The following MYO18A variants were observed in gnomAD, a reference collection of about 807,000 sequenced individuals.
The protein encoded by MYO18A is myosin XVIIIA.
MYO18A carries 78 observed loss-of-function variants against 235.8 expected under a neutral mutation model. The ratio of observed to expected loss-of-function variants is 0.33; its 90% CI spans 0.28 to 0.40. MYO18A has a LOEUF of 0.40. Among genes scored for constraint, MYO18A ranks in the 10% least tolerant of loss-of-function variants. MYO18A has a pLI of 1.00. For synonymous variants in MYO18A, 977 were observed against 1,077.8 expected (o/e 0.91, Z 1.83); for missense variants, 2,215 against 2,699.3 (o/e 0.82, Z 3.98).
At chr17:29,114,158 G>T in intron 14 of MYO18A, 61 bp from the exon 15 acceptor site, 1 of 1,317,282 alleles carries the variant, frequency 7.6e-7, no homozygotes, top group South Asian at 1.3e-5. Flanking sequence ...ACAGCCTTGT[G>T]AGTAGGCTGG....
intron 33 of MYO18A, 64 bp downstream of exon 33, chr17:29,092,791 G>A: frequency 2.5e-6 from 4 of 1,583,818 alleles, no homozygotes; most frequent in Non-Finnish European, 3.4e-6. Flanking sequence ...GAGCGAGAGA[G>A]AGAAAGAGAA....
At position 29,166,919 on chromosome 17, in the gene MYO18A, C is replaced by G. The variant is rs1402743549; in HGVS notation, c.22G>C (p.Asp8His). 6 of 1,546,402 alleles carry G rather than the reference C, an allele frequency of 3.9e-6. No individual in the cohort carries two copies. The Admixed American group carries it at 7.9e-5, about 20-fold the overall frequency. MFNLMKK[D>H]KDKDGGRKEK... ...TTCCGCCCGCCATCTTTGTCCTTGT[C>G]TTTCTTCATTAGGTTAAACATGGTG... The change falls in exon 2 of 42, where the codon GAC becomes CAC. Residue 8 changes from aspartate (D) to histidine (H), a missense_variant. Physicochemically the swap from Asp to His is moderately conservative, Grantham distance 81. Coordinates refer to ENST00000527372, the MANE Select transcript of MYO18A (RefSeq NM_078471.4).
At position 29,110,507 on chromosome 17, in the gene MYO18A, G is replaced by A. The variant is rs567597894; in HGVS notation, c.3016C>T (p.Arg1006Trp). 1.6e-5 allele frequency: 25 copies of A among 1,604,550 alleles called. No homozygotes were observed. The highest frequency in any genetic ancestry group is 3.4e-5 in the South Asian group (3 of 89,196). ...QLALRRATSM[R>W]KTFTTGMAAV... ...GCCATGCCTGTGGTAAAGGTTTTCC[G>A]CATGCTGGTGGCCCGGCGCAGTGCC... The change falls in exon 18 of 42, where the codon CGG becomes TGG. Residue 1006 changes from arginine to tryptophan, a missense_variant. Transcript: ENST00000527372.
In MYO18A at chr17:29,103,195, C is replaced by T. The variant is rs118169828; in HGVS notation, c.3507+404G>A. On this transcript the variant is annotated intron_variant, in intron 21 of 41. Transcript: ENST00000527372. Reference sequence around the variant, plus strand: ...TCTGGAACCCAGCAGCCCCAGATAACTCTCCACAGGGGCTCTACCCAAGGC... The same window carrying T: ...TCTGGAACCCAGCAGCCCCAGATAATTCTCCACAGGGGCTCTACCCAAGGC... Among the ~76,000 whole-genome samples the T allele has an allele frequency of 9.1e-4, 138 of 152,332 alleles. No homozygotes were observed. In the South Asian group the frequency reaches 0.01, roughly 11 times the overall value.
intron 41 of MYO18A, chr17:29,078,171 C>T (rs2152709602): frequency 6.6e-6 from 1 of 152,370 alleles, no homozygotes; most frequent in East Asian, 1.9e-4. Flanking sequence ...CATGCGCCAC[C>T]ACGCCCAGCT....
Position 29,120,542 on chromosome 17 carries a change from G to C in MYO18A, c.1728+74C>G. On this transcript the variant is annotated intron_variant, in intron 7 of 41. Transcript: ENST00000527372. This position sits in a 1 kb window ranked among gnomAD's most constrained non-coding sequence, Gnocchi z 4.2. ...AATCCCAGGAAAATGAGGCATGGGA[G>C]AGAGCCTGATGTCTAGGTCATGAAA... 6.5e-7 allele frequency: 1 copy of C among 1,529,358 alleles called. No homozygotes were observed. Among genetic ancestry groups the C allele is most frequent in the Non-Finnish European group, 8.8e-7 (1 of 1,132,652 alleles). 94.7% of individuals were successfully genotyped at this position (1,529,358 alleles called of 1,614,324 possible).
chr17:29,130,508 A>T (rs1749490182), intron 2 of MYO18A, among the ~76,000 whole-genome samples: 2 of 149,892 alleles, frequency 1.3e-5, no homozygotes, highest in Non-Finnish European at 3.0e-5. Flanking sequence ...ACACACACAC[A>T]CACACACACA....
rs768765204 is a variant in MYO18A at position 29,109,899 on chromosome 17, C to T, written c.3290G>A (p.Arg1097His). Reference sequence around the variant, plus strand: ...CATGGCATCGAGCAGGCGGGAGCCGCGGAGCTGGGTGCGGAGCAGGGGCAC... The same window carrying T: ...CATGGCATCGAGCAGGCGGGAGCCGTGGAGCTGGGTGCGGAGCAGGGGCAC... ...LDVPLLRTQL[R>H]GSRLLDAMRM... The change falls in exon 19 of 42, where the codon CGC becomes CAC. Residue 1097 changes from arginine (R) to histidine (H), a missense_variant. Physicochemically the swap from Arg to His is conservative, Grantham distance 29. Coordinates refer to ENST00000527372, the MANE Select transcript of MYO18A (RefSeq NM_078471.4). The surrounding 1 kb of genome is among the most constrained non-coding windows in gnomAD (Gnocchi z 4.1). 47 of 1,575,936 alleles carry T rather than the reference C, an allele frequency of 3.0e-5. No homozygotes were observed. Among genetic ancestry groups the T allele is most frequent in the Admixed American group, 9.2e-5 (5 of 54,134 alleles).
rs749076838 is a variant in MYO18A at position 29,115,367 on chromosome 17, C to T, written c.2302G>A (p.Val768Ile). The T allele has an allele frequency of 5.6e-5, 91 of 1,614,006 alleles. No homozygotes were observed. Among genetic ancestry groups the T allele is most frequent in the Middle Eastern group, 1.6e-4 (1 of 6,062 alleles). ...GGCACTCACCTATTCACCAGGGAGACGAGAAGGGTGAAGAGCTCGCTGTAG... is the reference window on the plus strand; with the variant it reads ...GGCACTCACCTATTCACCAGGGAGATGAGAAGGGTGAAGAGCTCGCTGTAG... The part of the protein sequence containing the change: ...GLYSELFTLL[V>I]SLVNRALKSS... The change falls in exon 13 of 42, where the codon GTC becomes ATC. Residue 768 changes from valine to isoleucine, a missense_variant. By Grantham distance (29) the Val-to-Ile change is conservative. Coordinates refer to ENST00000527372, the MANE Select transcript of MYO18A (RefSeq NM_078471.4).
Position 29,096,907 on chromosome 17 carries a change from G to A in MYO18A, c.4239C>T (p.Asp1413=). 2.6e-6 allele frequency: 4 copies of A among 1,568,422 alleles called. No homozygotes were observed. The highest frequency in any genetic ancestry group is 3.5e-6 in the Non-Finnish European group (4 of 1,158,084). ...GACTCTCCTCACTATCTGCCTGCAG[G>A]TCCCCGAGCTAGGGGCCAAGATGGG... is the stretch of plus-strand genomic sequence containing the variant. The part of the protein sequence containing the change: ...NKRQLERRLG[D]LQADSEESQR... The change falls in exon 28 of 42, where the codon GAC becomes GAT. Residue 1413 remains aspartate, a synonymous_variant. Transcript: ENST00000527372.
intron 2 of MYO18A, among the ~76,000 whole-genome samples, chr17:29,146,237 G>C (rs1302122949): frequency 6.6e-6 from 1 of 151,582 alleles, no homozygotes; most frequent in African/African-American, 2.4e-5. Flanking sequence ...CAGCCCGGGC[G>C]ACAGAGAGAG....
intron 2 of MYO18A, among the ~76,000 whole-genome samples, chr17:29,132,778 A>G (rs866165183): frequency 6.6e-6 from 1 of 152,226 alleles, no homozygotes; most frequent in Non-Finnish European, 1.5e-5. Context: ...AATGGCAAAT[A>G]TTCACCAGAG....
At chr17:29,112,345 G>A (rs2066951647) in intron 15 of MYO18A, among the ~76,000 whole-genome samples, 1 of 152,230 alleles carries the variant, frequency 6.6e-6, no homozygotes, top group Non-Finnish European at 1.5e-5. Context: ...AGAACCCAGA[G>A]GGGGCTCAGA....
At position 29,080,714 on chromosome 17, in the gene MYO18A, G is replaced by A. The variant is rs1172411989; in HGVS notation, c.6020+1602C>T. 6 of 985,410 alleles carry A rather than the reference G, an allele frequency of 6.1e-6. No individual in the cohort carries two copies. The African/African-American group carries it at 1.0e-4, about 17-fold the overall frequency. 61.0% of individuals were successfully genotyped at this position (985,410 alleles called of 1,614,324 possible). A position where few individuals can be genotyped will look rare whatever the true frequency, so the allele number is the denominator to read the frequency against. On this transcript the variant is annotated intron_variant, in intron 41 of 41. Transcript: ENST00000527372. The stretch of plus-strand genomic sequence containing the variant: ...GCCGGGCTGAAGTCGGAGCCCCACC[G>A]CTTCTGCGGCCCCCGGCCAGCGCGC...
At position 29,071,615 on chromosome 17, in the gene MYO18A, C is replaced by A. The variant is rs576816164; in HGVS notation, c.*3155G>T. The A allele has an allele frequency of 6.6e-6, 1 of 152,308 alleles. No homozygotes were observed. Among genetic ancestry groups the A allele is most frequent in the Admixed American group, 6.5e-5 (1 of 15,298 alleles). The allele number at this position is 152,308 out of a possible 1,614,324, so 9.4% of individuals were successfully genotyped here. A position where few individuals can be genotyped will look rare whatever the true frequency, so the allele number is the denominator to read the frequency against. On this transcript the variant is annotated 3_prime_UTR_variant, in exon 42 of 42. Coordinates refer to ENST00000527372, the MANE Select transcript of MYO18A (RefSeq NM_078471.4). ...ACCTGTGGAAGTGCTATTTTCAAGCCCTGGTCAAAATAGCAGCTCCTTTTA... is the reference window on the plus strand; with the variant it reads ...ACCTGTGGAAGTGCTATTTTCAAGCACTGGTCAAAATAGCAGCTCCTTTTA...
Position 29,095,021 on chromosome 17 carries a change from T to G in MYO18A, c.4424A>C (p.Gln1475Pro). 1 of 1,576,658 alleles carries G rather than the reference T, an allele frequency of 6.3e-7. No individual in the cohort carries two copies. The highest frequency in any genetic ancestry group is 1.1e-5 in the South Asian group (1 of 87,220). ...CTTCTCCCGCTGCAGCTTCTCCCGC[T>G]GGGCCTCCTCATGCGCCTGCGAGAG... ...SELSQAHEEAQREKLQREKLQ... is the reference protein window; with the variant it reads ...SELSQAHEEAPREKLQREKLQ... The change falls in exon 29 of 42, where the codon CAG (glutamine) becomes CCG (proline). Residue 1475 changes from glutamine (Q) to proline (P), a missense_variant. Coordinates refer to ENST00000527372, the MANE Select transcript of MYO18A (RefSeq NM_078471.4).
intron 1 of MYO18A, among the ~76,000 whole-genome samples, chr17:29,176,104 G>C (rs1006598344): frequency 6.6e-6 from 1 of 152,076 alleles, no homozygotes; most frequent in Non-Finnish European, 1.5e-5. Context: ...ATTTATCAGT[G>C]GTCATCTCTG....
chr17:29,090,192 G>C (rs1172159627), intron 36 of MYO18A, 94 bp from the exon 37 acceptor site: 9 of 1,391,864 alleles, frequency 6.5e-6, no homozygotes, highest in Non-Finnish European at 7.8e-6. Flanking sequence ...GTGACCAGAA[G>C]GCAAGGGGAG....
chr17:29,138,496 T>C (rs1490696823), intron 2 of MYO18A, among the ~76,000 whole-genome samples: 1 of 152,140 alleles, frequency 6.6e-6, no homozygotes, highest in Non-Finnish European at 1.5e-5. Context: ...ATCTAGGGAT[T>C]GAGGGCGAGG....
Sources: gnomAD v4.1 joint callset for allele counts (sites outside exome capture counted in the v4.1 genomes callset) on GRCh38, gnomAD v4.1.1 for gene constraint, Gnocchi (gnomAD v3.1) non-coding constraint, MANE v1.5 for transcripts, NCBI Gene and HGNC (gene_info 2026-07-23, HGNC 2026-07-21) for gene names.